ZC3H13: variants seen among roughly 807,000 people sequenced by gnomAD.
ZC3H13 encodes zinc finger CCCH domain-containing protein 13.
Under a neutral mutation model 204.1 loss-of-function variants are expected in ZC3H13, and 64 were observed. The ratio of observed to expected loss-of-function variants is 0.31; its 90% CI spans 0.26 to 0.39. The LOEUF (loss-of-function observed/expected upper bound fraction) is 0.39. Ranked by LOEUF, ZC3H13 falls within the 10% of genes least tolerant of loss-of-function variation. The pLI, the probability that ZC3H13 is intolerant of heterozygous loss-of-function variation, is 1.00. For missense variants in ZC3H13, 1,833 were observed against 2,082.7 expected (o/e 0.88, Z 2.33); for synonymous variants, 667 against 693.7 (o/e 0.96, Z 0.60).
chr13:45,975,280 T>C lies in ZC3H13; in HGVS notation c.2468+3A>G, dbSNP rs1372717450. The C allele has an allele frequency of 1.2e-6, 2 of 1,604,984 alleles. No individual in the cohort carries two copies. Among genetic ancestry groups the C allele is most frequent in the Admixed American group, 3.4e-5 (2 of 59,056 alleles). On this transcript the variant is annotated splice_donor_region_variant and intron_variant, in intron 12 of 18. Transcript: ENST00000679008. ...GTTATTAATAACTGATAATTATTCT[T>C]ACTTTGATTTTCTTTCATCATGTCC...
intron 12 of ZC3H13, among the ~76,000 whole-genome samples, chr13:45,971,950 G>A (rs1243744316): frequency 6.6e-6 from 1 of 151,944 alleles, no homozygotes; most frequent in East Asian, 1.9e-4. Context: ...AAACCACAAT[G>A]AGATGCCACC....
At chr13:46,041,449 G>A (rs1347390866) in intron 4 of ZC3H13, among the ~76,000 whole-genome samples, 1 of 151,990 alleles carries the variant, frequency 6.6e-6, no homozygotes, top group African/African-American at 2.4e-5. Flanking sequence ...AAAGTTTGGC[G>A]TTTCTTTACG....
chr13:45,988,107 C>A (rs143951969), intron 9 of ZC3H13, among the ~76,000 whole-genome samples: 1 of 152,150 alleles, frequency 6.6e-6, no homozygotes, highest in Non-Finnish European at 1.5e-5. Context: ...TTTCAAACTA[C>A]GCTCTCTGAT....
Position 45,969,112 on chromosome 13 carries a change from G to T in ZC3H13, c.3432C>A (p.Thr1144=), listed in dbSNP as rs368891568. The change falls in exon 14 of 19, where the codon ACC becomes ACA. Residue 1144 remains threonine (T), a synonymous_variant. Coordinates refer to ENST00000679008, the MANE Select transcript of ZC3H13 (RefSeq NM_001330564.2). ...TGGCAAAAGTATTATTGGTGGTATT[G>T]GTGGGGGTGGCAGAGGTGGAAATAG... ...AITISTSATP[T]NTTNNTFANE... The T allele has an allele frequency of 2.0e-5, 32 of 1,614,062 alleles. No individual in the cohort carries two copies. Among genetic ancestry groups the T allele is most frequent in the Non-Finnish European group, 2.7e-5 (32 of 1,180,026 alleles).
chr13:46,013,408 G>C (rs1286670473), intron 5 of ZC3H13, among the ~76,000 whole-genome samples: 1 of 147,194 alleles, frequency 6.8e-6, no homozygotes, highest in Non-Finnish European at 1.5e-5. Context: ...GCAAGACTTC[G>C]TCTCAAAAAA....
At chr13:46,019,179 T>C (rs901501606) in intron 5 of ZC3H13, among the ~76,000 whole-genome samples, 3 of 152,192 alleles carry the variant, frequency 2.0e-5, no homozygotes, top group African/African-American at 7.2e-5. Flanking sequence ...TACAATACTT[T>C]ACAACTGTTA....
chr13:46,030,741 C>T (rs963737772), intron 4 of ZC3H13, among the ~76,000 whole-genome samples: 5 of 152,072 alleles, frequency 3.3e-5, no homozygotes, highest in African/African-American at 1.2e-4. Context: ...AAGGATAAAT[C>T]TAGCAAAATA....
chr13:45,977,179 C>T (rs572193750), intron 11 of ZC3H13, among the ~76,000 whole-genome samples: 2 of 152,206 alleles, frequency 1.3e-5, no homozygotes, highest in South Asian at 4.1e-4. Context: ...TTTGCTGAAA[C>T]CAACTTAAAG....
chr13:45,971,863 AAAG>A (rs948447111), intron 12 of ZC3H13, among the ~76,000 whole-genome samples: 59 of 152,342 alleles, frequency 3.9e-4, no homozygotes, highest in African/African-American at 1.3e-3. Flanking sequence ...ACATTTCTCA[AAAG>A]AAGACATACA....
Position 45,969,525 on chromosome 13 carries a change from G to T in ZC3H13, c.3019C>A (p.Arg1007Ser). The T allele has an allele frequency of 3.7e-6, 6 of 1,601,288 alleles. No homozygotes were observed. Among genetic ancestry groups the T allele is most frequent in the Non-Finnish European group, 5.1e-6 (6 of 1,176,946 alleles). Reference protein sequence around the residue: ...GQKKKSIEKKRKKSKGDSDIS... With the variant: ...GQKKKSIEKKSKKSKGDSDIS... ...TCAGAATCACCTTTGGATTTTTTAC[G>T]TTTTTTTTCAATGCTTTTCTTTTTC... is the stretch of plus-strand genomic sequence containing the variant. The change falls in exon 14 of 19, where the codon CGT becomes AGT. Residue 1007 changes from arginine (R) to serine (S), a missense_variant. Physicochemically the swap from Arg to Ser is moderately radical, Grantham distance 110. Coordinates refer to ENST00000679008, the MANE Select transcript of ZC3H13 (RefSeq NM_001330564.2).
rs1474687581 is a variant in ZC3H13 at position 45,989,051 on chromosome 13, G to A, written c.991C>T (p.His331Tyr). The A allele has an allele frequency of 1.9e-6, 3 of 1,614,172 alleles. No individual in the cohort carries two copies. The highest frequency in any genetic ancestry group is 1.6e-4 in the Middle Eastern group (1 of 6,062). ...CCTGATTGTGAGGAAGATGAGTGAT[G>A]TCTAGAAGATATAGGAGAATGATGC... The part of the protein sequence containing the change: ...GQHHSPISSR[H>Y]HSSSSQSGSS... Residue 331 changes from histidine to tyrosine, a missense_variant, in exon 9 of 19, where the codon CAT (histidine) becomes TAT (tyrosine). Around this residue, in one of 5 missense-constraint regions of ZC3H13, gnomAD observed 1,574 missense variants for 1,757.2 expected, o/e 0.90. Transcript: ENST00000679008.
At chr13:45,997,302 G>C (rs1038135470) in intron 8 of ZC3H13, among the ~76,000 whole-genome samples, 19 of 152,194 alleles carry the variant, frequency 1.2e-4, no homozygotes, top group Non-Finnish European at 2.1e-4. Context: ...TAACAAACTT[G>C]ATATGCCAAT....
chr13:46,015,148 C>T (rs2041834883), intron 5 of ZC3H13, among the ~76,000 whole-genome samples: 1 of 152,074 alleles, frequency 6.6e-6, no homozygotes, highest in African/African-American at 2.4e-5. Context: ...ACTCCTTTAC[C>T]AATGTAAACC....
At chr13:46,009,078 C>G (rs2041360117) in intron 7 of ZC3H13, among the ~76,000 whole-genome samples, 1 of 152,028 alleles carries the variant, frequency 6.6e-6, no homozygotes. Flanking sequence ...TTATTATCAA[C>G]ATGGAGGTAT....
chr13:46,005,591 G>C (rs1313324073), intron 7 of ZC3H13, among the ~76,000 whole-genome samples: 1 of 152,120 alleles, frequency 6.6e-6, no homozygotes, highest in Non-Finnish European at 1.5e-5. Flanking sequence ...CAGGGCTCCA[G>C]TGATCCCCAT....
At chr13:46,031,981 G>A (rs1419733160) in intron 4 of ZC3H13, among the ~76,000 whole-genome samples, 1 of 152,180 alleles carries the variant, frequency 6.6e-6, no homozygotes, top group African/African-American at 2.4e-5. Context: ...GATGTTTATA[G>A]CAGCTGTATT....
intron 8 of ZC3H13, among the ~76,000 whole-genome samples, chr13:46,002,311 T>C (rs2040809510): frequency 6.6e-6 from 1 of 152,130 alleles, no homozygotes; most frequent in African/African-American, 2.4e-5. Flanking sequence ...TTGTGTACTG[T>C]TGGTGGGAAT....
chr13:46,033,096 T>C (rs556363730), intron 4 of ZC3H13, among the ~76,000 whole-genome samples: 7 of 152,090 alleles, frequency 4.6e-5, no homozygotes, highest in Non-Finnish European at 8.8e-5. Context: ...TAAAGACTTT[T>C]CTGAATGTAA....
chr13:45,969,129 T>C lies in ZC3H13; in HGVS notation c.3415A>G (p.Thr1139Ala), dbSNP rs781567979. Residue 1139 changes from threonine to alanine, a missense_variant, in exon 14 of 19, where the codon ACC becomes GCC. Physicochemically the swap from Thr to Ala is moderately conservative, Grantham distance 58. Transcript: ENST00000679008. ...SFSTSAITIS[T>A]SATPTNTTNN... ...GTGGTATTGGTGGGGGTGGCAGAGG[T>C]GGAAATAGTGATGGCAGATGTGCTG... 1.2e-6 allele frequency: 2 copies of C among 1,613,834 alleles called. No homozygotes were observed. The highest frequency in any genetic ancestry group is 1.7e-6 in the Non-Finnish European group (2 of 1,179,940).
Sources: allele counts gnomAD v4.1 joint callset (sites outside exome capture counted in the v4.1 genomes callset), GRCh38; gene constraint gnomAD v4.1.1; regional missense constraint gnomAD v4.1.1; transcripts MANE v1.5; gene names NCBI Gene and HGNC (gene_info 2026-07-23, HGNC 2026-07-21).